The following ADAMTS12 variants were observed in gnomAD, a reference collection of about 807,000 sequenced individuals.
The protein encoded by ADAMTS12 is ADAM metallopeptidase with thrombospondin type 1 motif 12, also known as A disintegrin and metalloproteinase with thrombospondin motifs 12.
ADAMTS12 carries 118 observed loss-of-function variants against 167.8 expected under a neutral mutation model. That is an observed-to-expected ratio of 0.70 (90% CI 0.61 to 0.82). The LOEUF (loss-of-function observed/expected upper bound fraction) is 0.82. Ranked by LOEUF, ADAMTS12 falls within the 40% of genes least tolerant of loss-of-function variation. The pLI, the probability that ADAMTS12 is intolerant of heterozygous loss-of-function variation, is 0.00. For missense variants in ADAMTS12, 1,916 were observed against 1,998.8 expected, an observed-to-expected ratio of 0.96 and a Z score of 0.79; for synonymous variants, 704 against 716.9, an observed-to-expected ratio of 0.98 and a Z score of 0.29.
chr5:33,606,308 A>G (rs1159794620), intron 16 of ADAMTS12, among the ~76,000 whole-genome samples: 2 of 152,206 alleles, frequency 1.3e-5, no homozygotes, highest in African/African-American at 4.8e-5. Context: ...ATTACTTAAG[A>G]ATGAGAAAGA....
chr5:33,870,818 G>C (rs1259438855), intron 2 of ADAMTS12, among the ~76,000 whole-genome samples: 1 of 152,048 alleles, frequency 6.6e-6, no homozygotes, highest in Non-Finnish European at 1.5e-5. Context: ...CTACCCCTTC[G>C]CTTTCTCTTC....
chr5:33,858,660 AAAAAAAAAAAG>A (rs1231660828), intron 2 of ADAMTS12, among the ~76,000 whole-genome samples: 1 of 143,044 alleles, frequency 7.0e-6, no homozygotes, highest in African/African-American at 2.7e-5. Flanking sequence ...ATCATCTCAA[AAAAAAAAAAAG>A]AAAAGAAAAA....
At chr5:33,727,264 CGT>C (rs1308715251) in intron 3 of ADAMTS12, among the ~76,000 whole-genome samples, 2 of 152,012 alleles carry the variant, frequency 1.3e-5, no homozygotes, top group Non-Finnish European at 2.9e-5. Context: ...GGTGACGACG[CGT>C]GTGTGTCCTC....
At chr5:33,609,159 C>T (rs1738592308) in intron 16 of ADAMTS12, among the ~76,000 whole-genome samples, 1 of 151,982 alleles carries the variant, frequency 6.6e-6, no homozygotes, top group Admixed American at 6.6e-5. Flanking sequence ...TTGATTATTC[C>T]TAAGGAAACT....
intron 17 of ADAMTS12, among the ~76,000 whole-genome samples, chr5:33,594,650 A>G (rs1414276165): frequency 1.3e-5 from 2 of 152,192 alleles, no homozygotes; most frequent in African/African-American, 4.8e-5. Context: ...CTGGCAAAAG[A>G]ACCACAGGAA....
At chr5:33,623,182 C>T (rs1224175642) in intron 14 of ADAMTS12, among the ~76,000 whole-genome samples, 1 of 152,126 alleles carries the variant, frequency 6.6e-6, no homozygotes, top group African/African-American at 2.4e-5. Flanking sequence ...GAAAACAGGG[C>T]TTTACCATCT....
chr5:33,561,152 A>G lies in ADAMTS12; in HGVS notation c.4000T>C (p.Tyr1334His). The G allele has an allele frequency of 1.9e-6, 3 of 1,614,084 alleles. No individual in the cohort carries two copies. Among genetic ancestry groups the G allele is most frequent in the Non-Finnish European group, 2.5e-6 (3 of 1,180,002 alleles). Reference sequence around the variant, plus strand: ...GTGCTGCACTCCACCCTTCTCCAGTAGGCCCCCAGGCCACATGTGGTGGAG... The same window carrying G: ...GTGCTGCACTCCACCCTTCTCCAGTGGGCCCCCAGGCCACATGTGGTGGAG... The part of the protein sequence containing the change: ...ECSTTCGLGA[Y>H]WRRVECSTQM... The change falls in exon 20 of 24, where the codon TAC (tyrosine) becomes CAC (histidine). Residue 1334 changes from tyrosine (Y) to histidine (H), a missense_variant. Tyr to His is a moderately conservative substitution (Grantham distance 83). Coordinates refer to ENST00000504830, the MANE Select transcript of ADAMTS12 (RefSeq NM_030955.4).
intron 18 of ADAMTS12, among the ~76,000 whole-genome samples, chr5:33,586,219 A>C (rs1311260494): frequency 6.6e-6 from 1 of 152,188 alleles, no homozygotes; most frequent in Non-Finnish European, 1.5e-5. Context: ...CCTCTCTTTA[A>C]AAAAAGTATC....
chr5:33,765,313 C>A (rs1457224137), intron 2 of ADAMTS12, among the ~76,000 whole-genome samples: 1 of 152,136 alleles, frequency 6.6e-6, no homozygotes, highest in African/African-American at 2.4e-5. Context: ...TGTTACTTCA[C>A]CTGAGAGAAT....
chr5:33,844,351 C>A (rs190885024), intron 2 of ADAMTS12, among the ~76,000 whole-genome samples: 1 of 152,192 alleles, frequency 6.6e-6, no homozygotes, highest in Admixed American at 6.5e-5. Flanking sequence ...CAAAAGCAAA[C>A]AGGAGAAATA....
intron 3 of ADAMTS12, among the ~76,000 whole-genome samples, chr5:33,750,944 G>A (rs936743081): frequency 2.0e-5 from 3 of 152,052 alleles, no homozygotes. Flanking sequence ...CATTATTATC[G>A]GCATCATCAA....
intron 5 of ADAMTS12, among the ~76,000 whole-genome samples, chr5:33,665,808 C>T (rs1481092030): frequency 1.3e-5 from 2 of 152,270 alleles, no homozygotes; most frequent in Non-Finnish European, 2.9e-5. Context: ...TATCTGCCTT[C>T]CCACCATCGA....
At chr5:33,726,815 C>G (rs967663266) in intron 3 of ADAMTS12, among the ~76,000 whole-genome samples, 1 of 152,064 alleles carries the variant, frequency 6.6e-6, no homozygotes. Context: ...TGTAACAGTA[C>G]TATCAGAATC....
At chr5:33,769,912 T>A (rs1745678404) in intron 2 of ADAMTS12, among the ~76,000 whole-genome samples, 1 of 152,186 alleles carries the variant, frequency 6.6e-6, no homozygotes, top group African/African-American at 2.4e-5. Flanking sequence ...TAAAACTATA[T>A]GCATGATTCC....
intron 18 of ADAMTS12, among the ~76,000 whole-genome samples, chr5:33,579,914 C>T (rs1376292664): frequency 1.3e-5 from 2 of 152,214 alleles, no homozygotes; most frequent in East Asian, 3.8e-4. Context: ...TTGTGGGTGA[C>T]ACACAGAATT....
chr5:33,552,150 T>C (rs375012372), intron 20 of ADAMTS12, among the ~76,000 whole-genome samples: 8 of 152,346 alleles, frequency 5.3e-5, no homozygotes, highest in East Asian at 3.9e-4. Flanking sequence ...CTGGGGCCAC[T>C]GGCAGAGGTA....
At chr5:33,839,209 C>G (rs1265345342) in intron 2 of ADAMTS12, among the ~76,000 whole-genome samples, 3 of 152,180 alleles carry the variant, frequency 2.0e-5, no homozygotes, top group East Asian at 3.8e-4. Flanking sequence ...GTTTGTGCCT[C>G]AGTGTCATTG....
chr5:33,826,812 T>C (rs1036885889), intron 2 of ADAMTS12, among the ~76,000 whole-genome samples: 1 of 152,116 alleles, frequency 6.6e-6, no homozygotes, highest in Non-Finnish European at 1.5e-5. Context: ...ACCTTGATGG[T>C]AAACTTCTGT....
intron 2 of ADAMTS12, among the ~76,000 whole-genome samples, chr5:33,757,818 T>G (rs1561255219): frequency 6.6e-6 from 1 of 152,224 alleles, no homozygotes; most frequent in Non-Finnish European, 1.5e-5. Context: ...GGGTTATGAC[T>G]ATCAGAGACA....
Sources: allele counts gnomAD v4.1 joint callset (sites outside exome capture counted in the v4.1 genomes callset), GRCh38; gene constraint gnomAD v4.1.1; transcripts MANE v1.5; gene names NCBI Gene and HGNC (gene_info 2026-07-23, HGNC 2026-07-21).